ENPEP: variants seen among roughly 807,000 people sequenced by gnomAD.
The protein encoded by ENPEP is glutamyl aminopeptidase.
ENPEP carries 103 observed loss-of-function variants against 114.5 expected under a neutral mutation model. The observed-to-expected ratio is 0.90, with a 90% CI of 0.77 to 1.06. The LOEUF (loss-of-function observed/expected upper bound fraction) is 1.06. ENPEP is among the 50% of genes least tolerant of loss of function. The pLI, the probability that ENPEP is intolerant of heterozygous loss-of-function variation, is 0.00. For synonymous variants in ENPEP, 420 were observed against 422.0 expected (o/e 1.00, Z 0.06); for missense variants, 1,196 against 1,161.3 (o/e 1.03, Z -0.43).
chr4:110,489,327 C>A (rs1043191218), intron 2 of ENPEP, among the ~76,000 whole-genome samples: 2 of 151,978 alleles, frequency 1.3e-5, no homozygotes, highest in Non-Finnish European at 2.9e-5. Flanking sequence ...CCAAACACCG[C>A]ATGTTCTCAC....
chr4:110,481,600 A>T (rs1195349206), intron 1 of ENPEP, among the ~76,000 whole-genome samples: 1 of 152,178 alleles, frequency 6.6e-6, no homozygotes, highest in Non-Finnish European at 1.5e-5. Flanking sequence ...ACATTGCATT[A>T]CCACAGCTTC....
chr4:110,504,225 T>G (rs1725272392), intron 3 of ENPEP, among the ~76,000 whole-genome samples: 1 of 152,100 alleles, frequency 6.6e-6, no homozygotes. Context: ...GTCAGGTGGT[T>G]GTATTGTGGG....
chr4:110,508,882 A>G (rs1157103621), intron 4 of ENPEP, among the ~76,000 whole-genome samples: 3 of 152,218 alleles, frequency 2.0e-5, no homozygotes, highest in African/African-American at 7.2e-5. Flanking sequence ...TGAAAAATCA[A>G]TTTGTTTTCA....
In ENPEP at chr4:110,476,592, C is replaced by G. The variant is rs1045133585; in HGVS notation, c.178C>G (p.Leu60Val). The G allele has an allele frequency of 2.5e-6, 4 of 1,614,016 alleles. No homozygotes were observed. The highest frequency in any genetic ancestry group is 3.4e-6 in the Non-Finnish European group (4 of 1,179,994). ...GPGTAPAPSH[L>V]PSSTASPSGP... ...GGGCACTGCGCCAGCTCCTTCCCAC[C>G]TGCCTTCTTCCACGGCCAGCCCCTC... Residue 60 changes from leucine (L) to valine (V), a missense_variant, in exon 1 of 20, where the codon CTG becomes GTG. Coordinates refer to ENST00000265162, the MANE Select transcript of ENPEP (RefSeq NM_001977.4).
intron 13 of ENPEP, among the ~76,000 whole-genome samples, chr4:110,547,221 C>T (rs1560569374): frequency 6.6e-6 from 1 of 152,080 alleles, no homozygotes. Context: ...TAAGCTATAG[C>T]TTCCAACCTC....
At chr4:110,521,932 G>T (rs895883397) in intron 10 of ENPEP, among the ~76,000 whole-genome samples, 3 of 151,324 alleles carry the variant, frequency 2.0e-5, no homozygotes, top group African/African-American at 7.3e-5. Flanking sequence ...AGGTTGGAGT[G>T]CAGTGGCGCA....
chr4:110,514,719 T>G (rs1725695532), intron 7 of ENPEP, among the ~76,000 whole-genome samples: 1 of 152,074 alleles, frequency 6.6e-6, no homozygotes, highest in South Asian at 2.1e-4. Flanking sequence ...TGTTCTTTTT[T>G]CATTCAGTTA....
chr4:110,549,180 A>C (rs534791786), intron 14 of ENPEP, among the ~76,000 whole-genome samples, 166 bp from the exon 15 acceptor site: 32 of 152,180 alleles, frequency 2.1e-4, no homozygotes, highest in African/African-American at 7.7e-4. Flanking sequence ...ATTGAAAAAA[A>C]TTGCAATGTG....
At chr4:110,519,720 AT>A (rs1162486768) in intron 8 of ENPEP, among the ~76,000 whole-genome samples, 1 of 152,220 alleles carries the variant, frequency 6.6e-6, no homozygotes, top group South Asian at 2.1e-4. Context: ...TGCTGGCCAA[AT>A]CTGGCCCACC....
At chr4:110,539,511 A>T (rs924219790) in intron 11 of ENPEP, among the ~76,000 whole-genome samples, 1 of 152,076 alleles carries the variant, frequency 6.6e-6, no homozygotes, top group African/African-American at 2.4e-5. Flanking sequence ...TATATTTTGC[A>T]TGTCATTAGT....
intron 2 of ENPEP, among the ~76,000 whole-genome samples, chr4:110,489,404 G>C (rs1400759392): frequency 2.0e-5 from 3 of 152,056 alleles, no homozygotes; most frequent in Non-Finnish European, 2.9e-5. Context: ...ACCAAGGCCT[G>C]TCAAGGGGTG....
At chr4:110,548,838 C>G (rs2110393754) in intron 14 of ENPEP, among the ~76,000 whole-genome samples, 1 of 152,146 alleles carries the variant, frequency 6.6e-6, no homozygotes, top group South Asian at 2.1e-4. Flanking sequence ...ATTCAAATCT[C>G]TAGCTCTTCT....
intron 4 of ENPEP, among the ~76,000 whole-genome samples, chr4:110,508,151 A>T (rs1043762012): frequency 1.3e-5 from 2 of 150,732 alleles, no homozygotes; most frequent in East Asian, 3.9e-4. Context: ...TTTTATGTGC[A>T]TTTTCAACCC....
intron 13 of ENPEP, 28 bp from the exon 14 acceptor site, chr4:110,548,148 T>G (rs767136456): frequency 1.1e-4 from 103 of 955,374 alleles, no homozygotes; most frequent in Non-Finnish European, 1.3e-4. Context: ...AGTTTTTTTT[T>G]TTTTTTTTTT....
intron 4 of ENPEP, among the ~76,000 whole-genome samples, chr4:110,508,197 T>A (rs1439135004): frequency 6.7e-6 from 1 of 149,260 alleles, no homozygotes. Context: ...TCCTTAGAGG[T>A]GACTTCTGCA....
intron 4 of ENPEP, among the ~76,000 whole-genome samples, chr4:110,508,072 G>C (rs1009364547): frequency 1.4e-4 from 22 of 152,166 alleles, no homozygotes; most frequent in African/African-American, 5.1e-4. Flanking sequence ...CTGAGAAGTG[G>C]AAATCTCACA....
chr4:110,493,744 A>G (rs1724813208), intron 3 of ENPEP, among the ~76,000 whole-genome samples: 1 of 152,136 alleles, frequency 6.6e-6, no homozygotes, highest in Non-Finnish European at 1.5e-5. Flanking sequence ...CTAATAGTTG[A>G]CACCCACCCA....
chr4:110,558,534 A>G (rs1270786437), intron 18 of ENPEP, among the ~76,000 whole-genome samples: 1 of 152,118 alleles, frequency 6.6e-6, no homozygotes, highest in African/African-American at 2.4e-5. Context: ...ACCTCAAGCC[A>G]TCTGTCCACC....
rs57018087 is a variant in ENPEP, at chr4:110,505,312, GA to G, written c.919-1313del. On this transcript the variant is annotated intron_variant, in intron 3 of 19. Coordinates refer to ENST00000265162, the MANE Select transcript of ENPEP (RefSeq NM_001977.4). ...AGAAAATGTATCATCACTTCTGTAA[GA>G]AAAAAAAAAAACTTCTAAGAGTATT... 9.2e-4 allele frequency among the ~76,000 whole-genome samples: 133 copies of G among 144,544 alleles called. 1 individual carries two copies. The highest frequency in any genetic ancestry group is 2.0e-3 in the South Asian group (9 of 4,548). The allele number at this position is 144,544 out of a possible 152,430, so 94.8% of individuals were successfully genotyped here. A position where few individuals can be genotyped will look rare whatever the true frequency, so the allele number is the denominator to read the frequency against.
Sources: allele counts gnomAD v4.1 joint callset (sites outside exome capture counted in the v4.1 genomes callset), GRCh38; gene constraint gnomAD v4.1.1; transcripts MANE v1.5; gene names NCBI Gene and HGNC (gene_info 2026-07-23, HGNC 2026-07-21).